The following MAGI2 variants were observed in gnomAD, a reference collection of about 807,000 sequenced individuals.
The protein encoded by MAGI2 is membrane associated guanylate kinase, WW and PDZ domain containing 2, also known as membrane-associated guanylate kinase, WW and PDZ domain-containing protein 2.
In MAGI2, 35 loss-of-function variants were observed where a neutral mutation model predicts 133.3. The ratio of observed to expected loss-of-function variants is 0.26; its 90% CI spans 0.20 to 0.35. The LOEUF is 0.35. Ranked by LOEUF, MAGI2 falls within the 10% of genes least tolerant of loss-of-function variation. The pLI is 1.00. For synonymous variants in MAGI2, 729 were observed against 710.6 expected, an observed-to-expected ratio of 1.03 and a Z score of -0.41; for missense variants, 1,636 against 1,863.4, an observed-to-expected ratio of 0.88 and a Z score of 2.25.
chr7:78,211,868 T>C (rs557325519), intron 10 of MAGI2, among the ~76,000 whole-genome samples: 1 of 152,350 alleles, frequency 6.6e-6, no homozygotes, highest in Admixed American at 6.5e-5. Flanking sequence ...TACGACTTGT[T>C]TTGATTTGCT....
intron 3 of MAGI2, among the ~76,000 whole-genome samples, chr7:78,529,468 G>A (rs1268640051): frequency 6.6e-6 from 1 of 152,020 alleles, no homozygotes; most frequent in African/African-American, 2.4e-5. Flanking sequence ...ATATACATCT[G>A]CTTCCAAAAG....
At chr7:79,252,154 C>T (rs1171243264) in intron 1 of MAGI2, among the ~76,000 whole-genome samples, 1 of 43,728 alleles carries the variant, frequency 2.3e-5, no homozygotes, top group Non-Finnish European at 4.2e-5. Context: ...GAGACCCTGT[C>T]TCAAAAAAAA....
chr7:78,906,726 A>C (rs762775580), intron 2 of MAGI2, among the ~76,000 whole-genome samples: 3 of 152,232 alleles, frequency 2.0e-5, no homozygotes, highest in Non-Finnish European at 2.9e-5. Flanking sequence ...CAAGGATGAT[A>C]TGCTATAATA....
intron 21 of MAGI2, among the ~76,000 whole-genome samples, chr7:78,074,250 T>C (rs1240427543): frequency 6.6e-6 from 1 of 152,236 alleles, no homozygotes; most frequent in Admixed American, 6.5e-5. Context: ...GGAGTCATGC[T>C]GATTTTGTTT....
chr7:79,443,824 T>C (rs1848656309), intron 1 of MAGI2, among the ~76,000 whole-genome samples: 1 of 152,176 alleles, frequency 6.6e-6, no homozygotes, highest in Non-Finnish European at 1.5e-5. Flanking sequence ...AATATAAAAA[T>C]AGATTTTTAA....
chr7:78,383,532 A>AT (rs1795114024), intron 6 of MAGI2, among the ~76,000 whole-genome samples: 1 of 151,858 alleles, frequency 6.6e-6, no homozygotes, highest in Non-Finnish European at 1.5e-5. Context: ...ATTTGCAAAT[A>AT]TTTTCTTCCA....
intron 1 of MAGI2, among the ~76,000 whole-genome samples, chr7:79,426,005 G>C (rs1282656339): frequency 6.6e-6 from 1 of 152,120 alleles, no homozygotes; most frequent in African/African-American, 2.4e-5. Flanking sequence ...TCAATCTATT[G>C]CGTTGAACAG....
In MAGI2 at chr7:78,561,959, A is replaced by G. The variant is rs530523543; in HGVS notation, c.539-40314T>C. On this transcript the variant is annotated intron_variant, in intron 3 of 21. Transcript: ENST00000354212. ...AGAGGCCTGCTGTCTCAAATACCAT[A>G]GCATGCTCACATGCTTCAGGACACA... Among the ~76,000 whole-genome samples, 4 of 152,236 alleles carry G rather than the reference A, an allele frequency of 2.6e-5. No individual in the cohort carries two copies. In the South Asian group the frequency reaches 8.3e-4, roughly 32 times the overall value.
At chr7:79,164,356 A>G (rs12669524) in intron 1 of MAGI2, among the ~76,000 whole-genome samples, 117,151 of 151,968 alleles carry the variant, frequency 0.77, 46,311 homozygotes, top group Non-Finnish European at 0.87. Flanking sequence ...CCCAAAACAT[A>G]TATCTTTGCC....
chr7:79,113,962 T>G (rs745911493), intron 1 of MAGI2, among the ~76,000 whole-genome samples: 11 of 152,212 alleles, frequency 7.2e-5, no homozygotes, highest in Non-Finnish European at 1.3e-4. Flanking sequence ...CTGAATCATT[T>G]GAGCAATTTC....
At chr7:79,100,773 A>T (rs186149913) in intron 1 of MAGI2, among the ~76,000 whole-genome samples, 2 of 151,858 alleles carry the variant, frequency 1.3e-5, no homozygotes, top group African/African-American at 4.8e-5. Flanking sequence ...CTTTATAGTC[A>T]TAGGTATTTT....
At chr7:79,261,123 A>G (rs1394823674) in intron 1 of MAGI2, among the ~76,000 whole-genome samples, 1 of 152,248 alleles carries the variant, frequency 6.6e-6, no homozygotes, top group Admixed American at 6.5e-5. Context: ...GTCATGTTTC[A>G]GTATAGAACA....
At chr7:78,998,576 A>G (rs932153224) in intron 2 of MAGI2, among the ~76,000 whole-genome samples, 4 of 152,130 alleles carry the variant, frequency 2.6e-5, no homozygotes, top group Non-Finnish European at 4.4e-5. Context: ...GTTGCTTCTT[A>G]CCATACTCTA....
chr7:78,039,880 T>C (rs1810619052), intron 21 of MAGI2, among the ~76,000 whole-genome samples: 3 of 152,168 alleles, frequency 2.0e-5, no homozygotes, highest in African/African-American at 7.2e-5. Flanking sequence ...TCCAGGGCAA[T>C]AGACTTGCTT....
chr7:79,302,696 G>A (rs1426853262), intron 1 of MAGI2, among the ~76,000 whole-genome samples: 1 of 152,176 alleles, frequency 6.6e-6, no homozygotes, highest in Non-Finnish European at 1.5e-5. Flanking sequence ...ATCAGTTAGA[G>A]ATTTTGGAAA....
intron 6 of MAGI2, among the ~76,000 whole-genome samples, chr7:78,415,740 G>T (rs927261527): frequency 6.6e-6 from 1 of 152,034 alleles, no homozygotes; most frequent in Non-Finnish European, 1.5e-5. Flanking sequence ...GAGTAGATGG[G>T]GTTGGAGCCT....
chr7:78,119,964 A>C (rs1231527635), intron 20 of MAGI2, among the ~76,000 whole-genome samples: 1 of 152,228 alleles, frequency 6.6e-6, no homozygotes, highest in Non-Finnish European at 1.5e-5. Context: ...AAAAGCTATA[A>C]AACTTTAAGC....
At chr7:79,371,869 A>T (rs538469116) in intron 1 of MAGI2, among the ~76,000 whole-genome samples, 50 of 152,272 alleles carry the variant, frequency 3.3e-4, no homozygotes, top group Non-Finnish European at 6.0e-4. Flanking sequence ...TTAATTTAAC[A>T]TGTGGCAGCC....
intron 1 of MAGI2, among the ~76,000 whole-genome samples, chr7:79,387,094 T>TGTGTGTG (rs1844236781): frequency 2.5e-4 from 35 of 141,588 alleles, no homozygotes; most frequent in African/African-American, 8.3e-4. Flanking sequence ...ATTTTTATGC[T>TGTGTGTG]TGTGTGTGTG....
Sources: allele counts gnomAD v4.1 joint callset (sites outside exome capture counted in the v4.1 genomes callset), GRCh38; gene constraint gnomAD v4.1.1; transcripts MANE v1.5; gene names NCBI Gene and HGNC (gene_info 2026-07-23, HGNC 2026-07-21).